Variants in CDH18 observed in about 807,000 individuals in gnomAD.
The protein encoded by CDH18 is cadherin 18.
Under a neutral mutation model 67.9 loss-of-function variants are expected in CDH18, and 31 were observed. The ratio of observed to expected loss-of-function variants is 0.46; its 90% CI spans 0.34 to 0.62. The LOEUF is 0.62. Ranked by LOEUF, CDH18 falls within the 20% of genes least tolerant of loss-of-function variation. CDH18 has a pLI of 0.01. For missense variants in CDH18, 890 were observed against 975.5 expected (o/e 0.91, Z 1.17); for synonymous variants, 362 against 347.2 (o/e 1.04, Z -0.48).
intron 5 of CDH18, among the ~76,000 whole-genome samples, chr5:19,652,198 A>G (rs1755677955): frequency 6.6e-6 from 1 of 151,988 alleles, no homozygotes; most frequent in South Asian, 2.1e-4. Context: ...ATTCTTTAGA[A>G]GTCATATTTT....
chr5:20,363,987 C>G (rs1562005220), intron 1 of CDH18, among the ~76,000 whole-genome samples: 1 of 152,116 alleles, frequency 6.6e-6, no homozygotes, highest in Admixed American at 6.6e-5. Flanking sequence ...GCCACAAGTC[C>G]TATTTGACAA....
intron 10 of CDH18, among the ~76,000 whole-genome samples, chr5:19,508,974 A>C (rs1744685608): frequency 6.6e-6 from 1 of 151,420 alleles, no homozygotes; most frequent in African/African-American, 2.4e-5. Flanking sequence ...CCTGGGTTCA[A>C]GTGATTCTCG....
intron 2 of CDH18, among the ~76,000 whole-genome samples, chr5:20,194,697 T>C (rs1214112509): frequency 6.6e-6 from 1 of 151,938 alleles, no homozygotes; most frequent in Non-Finnish European, 1.5e-5. Context: ...ATCTTGACCA[T>C]CTAGATGTAA....
At chr5:19,586,255 T>C (rs1384183136) in intron 7 of CDH18, among the ~76,000 whole-genome samples, 1 of 152,134 alleles carries the variant, frequency 6.6e-6, no homozygotes, top group Non-Finnish European at 1.5e-5. Flanking sequence ...TGCAGGTTTG[T>C]TACATAGGTA....
chr5:20,373,411 T>C (rs1262686382), intron 1 of CDH18, among the ~76,000 whole-genome samples: 1 of 152,116 alleles, frequency 6.6e-6, no homozygotes, highest in Non-Finnish European at 1.5e-5. Context: ...CTCACACCCA[T>C]CACTGTACCA....
chr5:19,650,846 T>A (rs1755471951), intron 5 of CDH18, among the ~76,000 whole-genome samples: 1 of 152,072 alleles, frequency 6.6e-6, no homozygotes. Context: ...ACACAAACTA[T>A]ATAAATTACA....
At chr5:20,050,885 A>G (rs6879108) in intron 2 of CDH18, among the ~76,000 whole-genome samples, 11,849 of 151,660 alleles carry the variant, frequency 0.078, 910 homozygotes, top group African/African-American at 0.2. Flanking sequence ...TCTTTTTTTG[A>G]TAGAAGTATC....
chr5:19,903,846 G>T (rs1411067895), intron 2 of CDH18, among the ~76,000 whole-genome samples: 1 of 151,900 alleles, frequency 6.6e-6, no homozygotes, highest in Non-Finnish European at 1.5e-5. Flanking sequence ...TTTGTCAGCA[G>T]CGATTTCCTC....
At chr5:20,139,231 A>C (rs529928507) in intron 2 of CDH18, among the ~76,000 whole-genome samples, 1 of 152,202 alleles carries the variant, frequency 6.6e-6, no homozygotes, top group Admixed American at 6.5e-5. Context: ...TTCCCTATGT[A>C]ATAAATGGTG....
intron 4 of CDH18, among the ~76,000 whole-genome samples, chr5:19,742,153 C>T (rs993238697): frequency 5.9e-5 from 9 of 151,996 alleles, no homozygotes; most frequent in Non-Finnish European, 4.4e-5. Context: ...TATTGCCCAC[C>T]GACAAGAAAT....
At chr5:19,960,545 A>ATG (rs1796688044) in intron 2 of CDH18, among the ~76,000 whole-genome samples, 19 of 113,820 alleles carry the variant, frequency 1.7e-4, no homozygotes, top group South Asian at 5.7e-4. Flanking sequence ...TGTTTAATAT[A>ATG]CGTGTGTGTG....
chr5:19,949,664 T>C (rs1795599619), intron 2 of CDH18, among the ~76,000 whole-genome samples: 1 of 152,118 alleles, frequency 6.6e-6, no homozygotes, highest in African/African-American at 2.4e-5. Flanking sequence ...TTATGAAAAA[T>C]TTTTGCTAAA....
intron 1 of CDH18, among the ~76,000 whole-genome samples, chr5:20,312,622 G>A (rs1737096807): frequency 6.6e-6 from 1 of 152,028 alleles, no homozygotes; most frequent in African/African-American, 2.4e-5. Flanking sequence ...CTTGAAAACT[G>A]CCCAGGTCTT....
intron 2 of CDH18, among the ~76,000 whole-genome samples, chr5:19,866,148 T>A (rs867189389): frequency 6.6e-6 from 1 of 152,192 alleles, no homozygotes; most frequent in Non-Finnish European, 1.5e-5. Flanking sequence ...CCAAGTCTCT[T>A]AAAACACATG....
intron 3 of CDH18, among the ~76,000 whole-genome samples, chr5:19,789,747 C>T (rs759807308): frequency 6.6e-6 from 1 of 152,006 alleles, no homozygotes; most frequent in Non-Finnish European, 1.5e-5. Context: ...AAGTTATTGT[C>T]TTAGAATTGA....
chr5:20,173,530 G>A (rs1212412304), intron 2 of CDH18, among the ~76,000 whole-genome samples: 1 of 152,146 alleles, frequency 6.6e-6, no homozygotes, highest in Non-Finnish European at 1.5e-5. Flanking sequence ...ATGTAGGTAA[G>A]TACCTCTGTG....
intron 3 of CDH18, among the ~76,000 whole-genome samples, chr5:19,791,419 A>G (rs1776348554): frequency 6.6e-6 from 1 of 150,752 alleles, no homozygotes; most frequent in African/African-American, 2.4e-5. Context: ...TAGTAGGGGC[A>G]GAAAGAAAAA....
chr5:20,306,260 A>G (rs1456777399), intron 1 of CDH18, among the ~76,000 whole-genome samples: 2 of 152,152 alleles, frequency 1.3e-5, no homozygotes, highest in South Asian at 2.1e-4. Context: ...TGTTATGTTC[A>G]TCTTCTATGA....
At chr5:19,778,705 A>C (rs535879122) in intron 3 of CDH18, among the ~76,000 whole-genome samples, 1 of 152,270 alleles carries the variant, frequency 6.6e-6, no homozygotes, top group African/African-American at 2.4e-5. Context: ...ACAATTTTGG[A>C]TGGAGACCCA....
Sources: allele counts gnomAD v4.1 joint callset (sites outside exome capture counted in the v4.1 genomes callset), GRCh38; gene constraint gnomAD v4.1.1; transcripts MANE v1.5; gene names NCBI Gene and HGNC (gene_info 2026-07-23, HGNC 2026-07-21).